Variants in SPECC1 observed in about 807,000 individuals in gnomAD.
SPECC1 encodes the protein cytospin-B.
A neutral mutation model predicts 104.1 loss-of-function variants in SPECC1; 62 were observed. The observed-to-expected ratio is 0.60, with a 90% CI of 0.49 to 0.74. SPECC1 has a LOEUF of 0.74. SPECC1 is among the 30% of genes least tolerant of loss of function. The pLI is 0.00. For synonymous variants in SPECC1, 513 were observed against 501.6 expected (o/e 1.02, Z -0.30); for missense variants, 1,306 against 1,310.5 (o/e 1.00, Z 0.05).
chr17:20,301,607 A>C (rs1340258125), intron 13 of SPECC1, among the ~76,000 whole-genome samples: 1 of 152,138 alleles, frequency 6.6e-6, no homozygotes, highest in Non-Finnish European at 1.5e-5. Flanking sequence ...TAAGTAGAGA[A>C]TTTCTGATAA....
intron 2 of SPECC1, among the ~76,000 whole-genome samples, chr17:20,103,815 G>A (rs2048056093): frequency 6.6e-6 from 1 of 152,198 alleles, no homozygotes. Flanking sequence ...CTGAAAGGCT[G>A]TTGGATGGCT....
chr17:20,312,918 AC>A (rs2041970319), intron 14 of SPECC1, among the ~76,000 whole-genome samples: 1 of 152,142 alleles, frequency 6.6e-6, no homozygotes, highest in African/African-American at 2.4e-5. Flanking sequence ...AACTCTGTTA[AC>A]CCCCAGGAAC....
intron 4 of SPECC1, among the ~76,000 whole-genome samples, chr17:20,219,264 C>T (rs1025288358): frequency 1.1e-4 from 16 of 152,144 alleles, no homozygotes; most frequent in African/African-American, 3.4e-4. Flanking sequence ...TTTACTTTCC[C>T]GCCAACAGTG....
intron 3 of SPECC1, among the ~76,000 whole-genome samples, chr17:20,182,598 G>A (rs1465981859): frequency 1.3e-5 from 2 of 152,144 alleles, no homozygotes; most frequent in African/African-American, 4.8e-5. Context: ...AGGTTGTAGA[G>A]ATCACAAATG....
At chr17:20,273,422 G>A (rs1362587232) in intron 12 of SPECC1, among the ~76,000 whole-genome samples, 3 of 151,680 alleles carry the variant, frequency 2.0e-5, no homozygotes, top group Non-Finnish European at 2.9e-5. Flanking sequence ...AGGCGAGATC[G>A]TGCCACTGCA....
At chr17:20,169,428 C>G (rs2033916095) in intron 3 of SPECC1, among the ~76,000 whole-genome samples, 1 of 152,200 alleles carries the variant, frequency 6.6e-6, no homozygotes. Flanking sequence ...GGCATTCACA[C>G]AGATCTATTT....
chr17:20,046,756 G>T (rs758372166), intron 1 of SPECC1, among the ~76,000 whole-genome samples: 2 of 151,974 alleles, frequency 1.3e-5, no homozygotes, highest in Admixed American at 1.3e-4. Flanking sequence ...GGAGGAGGCG[G>T]CCAGAGCCAA....
intron 4 of SPECC1, among the ~76,000 whole-genome samples, chr17:20,216,829 A>G (rs1389316403): frequency 6.6e-6 from 1 of 152,132 alleles, no homozygotes; most frequent in Non-Finnish European, 1.5e-5. Context: ...CTGGGTGTCT[A>G]AGAGTGTGAT....
intron 4 of SPECC1, among the ~76,000 whole-genome samples, chr17:20,226,027 C>T (rs1322417442): frequency 1.3e-5 from 2 of 152,108 alleles, no homozygotes; most frequent in Non-Finnish European, 2.9e-5. Context: ...TCCCTATTCC[C>T]ATAGAGCTTA....
At chr17:20,212,868 A>T (rs982240601) in intron 4 of SPECC1, among the ~76,000 whole-genome samples, 1 of 152,236 alleles carries the variant, frequency 6.6e-6, no homozygotes, top group Admixed American at 6.5e-5. Context: ...AGTAAAGTTT[A>T]TTATATTTTA....
At chr17:20,170,554 G>C (rs952226326) in intron 3 of SPECC1, among the ~76,000 whole-genome samples, 1 of 152,060 alleles carries the variant, frequency 6.6e-6, no homozygotes, top group African/African-American at 2.4e-5. Flanking sequence ...CTGGGACCTT[G>C]CCCACCCTAC....
chr17:20,222,153 G>T (rs932914974), intron 4 of SPECC1, among the ~76,000 whole-genome samples: 1 of 152,018 alleles, frequency 6.6e-6, no homozygotes, highest in Non-Finnish European at 1.5e-5. Flanking sequence ...GGCCAACATG[G>T]AGAAACCCTG....
At chr17:20,212,686 A>C (rs2037233437) in intron 4 of SPECC1, among the ~76,000 whole-genome samples, 1 of 152,132 alleles carries the variant, frequency 6.6e-6, no homozygotes, top group Non-Finnish European at 1.5e-5. Flanking sequence ...TGGTAAATTT[A>C]CTCAAGCTGT....
At chr17:20,227,359 A>T in intron 4 of SPECC1, 54 bp from the exon 5 acceptor site, 1 of 1,517,810 alleles carries the variant, frequency 6.6e-7, no homozygotes, top group South Asian at 1.2e-5. Flanking sequence ...TGTACAGATC[A>T]CTGTGGGAAT....
At chr17:20,203,050 C>G (rs1304095879) in intron 3 of SPECC1, among the ~76,000 whole-genome samples, 2 of 152,044 alleles carry the variant, frequency 1.3e-5, no homozygotes, top group African/African-American at 2.4e-5. Flanking sequence ...CAGAAATAGT[C>G]TTGGTGGTGG....
At chr17:20,200,414 A>G (rs1213023166) in intron 3 of SPECC1, among the ~76,000 whole-genome samples, 1 of 152,186 alleles carries the variant, frequency 6.6e-6, no homozygotes, top group African/African-American at 2.4e-5. Context: ...CATAATTATG[A>G]GATGGAGCTT....
At chr17:20,021,702 A>T (rs55869546) in intron 1 of SPECC1, among the ~76,000 whole-genome samples, 112,813 of 139,166 alleles carry the variant, frequency 0.81, 44,768 homozygotes, top group East Asian at 0.93. Context: ...ATATATATAT[A>T]TTTTTTTGTA....
intron 1 of SPECC1, among the ~76,000 whole-genome samples, chr17:20,066,040 A>T (rs2046346968): frequency 6.6e-6 from 1 of 152,214 alleles, no homozygotes. Flanking sequence ...CAATCATAAC[A>T]ACATACCATC....
intron 7 of SPECC1, among the ~76,000 whole-genome samples, chr17:20,244,087 T>C (rs1449439924): frequency 6.7e-6 from 1 of 150,118 alleles, no homozygotes; most frequent in Admixed American, 6.6e-5. Flanking sequence ...TAGCAAAGTG[T>C]GCTGGTGCTT....
Sources: allele counts gnomAD v4.1 joint callset (sites outside exome capture counted in the v4.1 genomes callset), GRCh38; gene constraint gnomAD v4.1.1; transcripts MANE v1.5; gene names NCBI Gene and HGNC (gene_info 2026-07-23, HGNC 2026-07-21).